Variants in DMD observed in about 807,000 individuals in gnomAD.
DMD encodes mutant dystrophin.
In DMD, 63 loss-of-function variants were observed where a neutral mutation model predicts 330.1. The observed-to-expected ratio is 0.19, with a 90% CI of 0.16 to 0.24. The LOEUF is 0.24. DMD is among the 10% of genes least tolerant of loss of function. DMD has a pLI of 1.00. For missense variants in DMD, 3,344 were observed against 2,684.1 expected, an observed-to-expected ratio of 1.25 and a Z score of -5.43; for synonymous variants, 1,223 against 959.8, an observed-to-expected ratio of 1.27 and a Z score of -5.07.
intron 2 of DMD, among the ~76,000 whole-genome samples, chrX:32,889,422 T>G (rs1361564888): frequency 9.1e-6 from 1 of 110,324 alleles, no homozygotes; most frequent in Non-Finnish European, 1.9e-5. Flanking sequence ...GTACATGAAA[T>G]CAGGTAAGCC....
At chrX:32,783,369 T>G (rs983127605) in intron 7 of DMD, among the ~76,000 whole-genome samples, 1 of 103,977 alleles carries the variant, frequency 9.6e-6, no homozygotes, top group Non-Finnish European at 2.0e-5. Flanking sequence ...TACACACATA[T>G]ATATACACAT....
At chrX:32,676,821 G>C (rs1226226951) in intron 9 of DMD, among the ~76,000 whole-genome samples, 1 of 111,026 alleles carries the variant, frequency 9.0e-6, no homozygotes, top group African/African-American at 3.3e-5. Flanking sequence ...TTATTTTATA[G>C]TGTACTATTT....
At chrX:33,292,106 G>C (rs183425299) in intron 1 of DMD, among the ~76,000 whole-genome samples, 1 of 110,762 alleles carries the variant, frequency 9.0e-6, no homozygotes, top group Admixed American at 9.6e-5. Context: ...CAAAACTTCC[G>C]TAACAATCTT....
intron 44 of DMD, among the ~76,000 whole-genome samples, chrX:32,045,789 A>G (rs1603623140): frequency 1.8e-5 from 2 of 112,267 alleles, no homozygotes; most frequent in African/African-American, 6.5e-5. Context: ...AAAATAATAC[A>G]CTTTCCCTTA....
intron 1 of DMD, among the ~76,000 whole-genome samples, chrX:33,080,219 T>C (rs2094907471): frequency 8.9e-6 from 1 of 112,002 alleles, no homozygotes; most frequent in Non-Finnish European, 1.9e-5. Flanking sequence ...CTTTAATATT[T>C]TAACCTATAG....
chrX:31,137,999 C>T (rs1051135844), intron 76 of DMD, among the ~76,000 whole-genome samples: 1 of 111,956 alleles, frequency 8.9e-6, no homozygotes, highest in Admixed American at 9.4e-5. Context: ...GTAGATAAAG[C>T]AGAGTGAACA....
intron 62 of DMD, among the ~76,000 whole-genome samples, chrX:31,288,200 G>A (rs1471075668): frequency 9.0e-6 from 1 of 111,635 alleles, no homozygotes; most frequent in Non-Finnish European, 1.9e-5. Flanking sequence ...GGGACAGTAA[G>A]ATGTTGTGGA....
intron 76 of DMD, among the ~76,000 whole-genome samples, chrX:31,137,352 C>A (rs1037018944): frequency 8.9e-6 from 1 of 111,848 alleles, no homozygotes; most frequent in Non-Finnish European, 1.9e-5. Flanking sequence ...TCAGACATCA[C>A]ATATGTGCAT....
chrX:32,791,211 G>A (rs2075795530), intron 7 of DMD, among the ~76,000 whole-genome samples: 1 of 82,740 alleles, frequency 1.2e-5, no homozygotes, highest in African/African-American at 4.0e-5. Context: ...TTGCATTCCA[G>A]AGGGTTGCCC....
chrX:32,174,349 T>TA (rs1264849676), intron 44 of DMD, among the ~76,000 whole-genome samples: 1 of 112,453 alleles, frequency 8.9e-6, no homozygotes, highest in Non-Finnish European at 1.9e-5. Flanking sequence ...TTTTTGGTGT[T>TA]ATAGTACCTC....
chrX:33,287,103 G>T (rs1490965620), intron 1 of DMD, among the ~76,000 whole-genome samples: 1 of 111,655 alleles, frequency 9.0e-6, no homozygotes. Flanking sequence ...GAAATTGTGG[G>T]TTTGGTTTGC....
chrX:31,430,946 G>A (rs1174666568), intron 60 of DMD, among the ~76,000 whole-genome samples: 4 of 108,035 alleles, frequency 3.7e-5, no homozygotes, highest in South Asian at 4.2e-4. Flanking sequence ...GGGACTACAG[G>A]CGCCTGCCAC....
chrX:32,348,290 G>A (rs2097770581), intron 38 of DMD, 116 bp downstream of exon 38: 3 of 748,804 alleles, frequency 4.0e-6, no homozygotes, highest in South Asian at 4.7e-5. Flanking sequence ...AAATTCATTA[G>A]AATCATAAAA....
intron 1 of DMD, among the ~76,000 whole-genome samples, chrX:33,038,332 T>A (rs67856072): frequency 0.06 from 6,745 of 112,181 alleles, 485 homozygotes; most frequent in African/African-American, 0.21. Flanking sequence ...GAAATAAGTT[T>A]AAGTCAGTGC....
intron 1 of DMD, among the ~76,000 whole-genome samples, chrX:33,252,538 T>A (rs928263465): frequency 2.7e-5 from 3 of 110,826 alleles, no homozygotes; most frequent in African/African-American, 9.9e-5. Flanking sequence ...CATTCTTTGC[T>A]TTAAAACATG....
At chrX:32,698,901 T>A (rs2063860172) in intron 8 of DMD, among the ~76,000 whole-genome samples, 1 of 111,196 alleles carries the variant, frequency 9.0e-6, no homozygotes, top group African/African-American at 3.3e-5. Flanking sequence ...TGAATAGTAT[T>A]TTTAAAATAT....
chrX:32,842,969 G>C lies in DMD; in HGVS notation c.264+1814C>G, dbSNP rs962597124. Among the ~76,000 whole-genome samples, 3 of 111,134 alleles carry C rather than the reference G, an allele frequency of 2.7e-5. No homozygotes were observed. In the Middle Eastern group the frequency reaches 0.014, roughly 515 times the overall value. Reference sequence around the variant, plus strand: ...TTACAGGCATGCACCAGCATACTCAGCTAATTTTTGTATTTTTTAGTAGAG... The same window carrying C: ...TTACAGGCATGCACCAGCATACTCACCTAATTTTTGTATTTTTTAGTAGAG... On this transcript the variant is annotated intron_variant, in intron 4 of 78. Coordinates refer to ENST00000357033, the MANE Select transcript of DMD (RefSeq NM_004006.3).
chrX:31,241,980 G>A (rs1486781156), intron 63 of DMD, among the ~76,000 whole-genome samples: 1 of 111,132 alleles, frequency 9.0e-6, no homozygotes, highest in Non-Finnish European at 1.9e-5. Context: ...GGAGTGGCCA[G>A]GCGCGGTGGC....
chrX:32,558,699 C>A (rs1207908517), intron 16 of DMD, among the ~76,000 whole-genome samples: 2 of 111,030 alleles, frequency 1.8e-5, no homozygotes. Flanking sequence ...TAGAAATCTG[C>A]CTAGCTTACC....
Sources: gnomAD v4.1 joint callset for allele counts (sites outside exome capture counted in the v4.1 genomes callset) on GRCh38, gnomAD v4.1.1 for gene constraint, MANE v1.5 for transcripts, NCBI Gene and HGNC (gene_info 2026-07-23, HGNC 2026-07-21) for gene names.